Variants in FAM72A observed in about 807,000 individuals in gnomAD.
FAM72A encodes regulator of UNG2 and MKLN1 interacting yippee protein 1.
In FAM72A, 1 loss-of-function variant was observed where a neutral mutation model predicts 11.3. That is an observed-to-expected ratio of 0.09 (90% CI 0.03 to 0.42). The LOEUF (loss-of-function observed/expected upper bound fraction) is 0.42. Among genes scored for constraint, FAM72A ranks in the 10% least tolerant of loss-of-function variants. FAM72A has a pLI of 0.98. For synonymous variants in FAM72A, 5 were observed against 46.9 expected, an observed-to-expected ratio of 0.11 and a Z score of 3.65; for missense variants, 15 against 135.5, an observed-to-expected ratio of 0.11 and a Z score of 4.41.
intron 3 of FAM72A, among the ~76,000 whole-genome samples, chr1:206,193,488 C>T (rs1453568279): frequency 2.0e-5 from 3 of 152,144 alleles, no homozygotes; most frequent in East Asian, 1.9e-4. Flanking sequence ...CCACTGCGTC[C>T]GGCAGAGATT....
chr1:206,191,279 T>G (rs1664773698), intron 3 of FAM72A, among the ~76,000 whole-genome samples: 2 of 78,084 alleles, frequency 2.6e-5, no homozygotes, highest in Non-Finnish European at 2.3e-5. Flanking sequence ...CCAGCCTGGG[T>G]GACAGAATGA....
chr1:206,203,778 C>T, upstream of FAM72A: 5 of 1,514,584 alleles, frequency 3.3e-6, no homozygotes, highest in East Asian at 2.5e-5. Context: ...TTAGCGGTGC[C>T]GCCCGGAATC....
rs369572110 is a variant in FAM72A at position 206,196,126 on chromosome 1, C to T, written c.231-250G>A. ...TTATTATTATTATTATTATTGAGACCGAGTTTTGCTCTTGTCACCCAGGCT... is the reference window on the plus strand; with the variant it reads ...TTATTATTATTATTATTATTGAGACTGAGTTTTGCTCTTGTCACCCAGGCT... On this transcript the variant is annotated intron_variant, in intron 2 of 3. Coordinates refer to ENST00000367128, the MANE Select transcript of FAM72A (RefSeq NM_001123168.3). 4.3e-3 allele frequency among the ~76,000 whole-genome samples: 617 copies of T among 143,818 alleles called. 1 individual carries two copies. Among genetic ancestry groups the T allele is most frequent in the South Asian group, 7.3e-3 (32 of 4,396 alleles). The allele number at this position is 143,818 out of a possible 152,430, so 94.4% of individuals were successfully genotyped here. A position where few individuals can be genotyped will look rare whatever the true frequency, so the allele number is the denominator to read the frequency against.
At chr1:206,199,945 CA>C (rs1341376341) in intron 1 of FAM72A, 61 bp from the exon 2 acceptor site, 2 of 704,570 alleles carry the variant, frequency 2.8e-6, no homozygotes, top group Non-Finnish European at 5.2e-6. Flanking sequence ...TTAATTGTGG[CA>C]AAAAATTAAC....
chr1:206,188,412 T>TATTA, intron 3 of FAM72A, among the ~76,000 whole-genome samples: 1 of 152,228 alleles, frequency 6.6e-6, no homozygotes, highest in South Asian at 2.1e-4. Flanking sequence ...ATGACAAGTT[T>TATTA]ATTACTCTGG....
chr1:206,204,970 G>C (rs1300475138), upstream of FAM72A: 1 of 150,340 alleles, frequency 6.7e-6, no homozygotes, highest in Admixed American at 6.6e-5. Context: ...AAACAACTGG[G>C]AGGAGGGGCG....
At chr1:206,199,927 C>CA (rs1252605061) in intron 1 of FAM72A, 43 bp from the exon 2 acceptor site, 2 of 635,896 alleles carry the variant, frequency 3.1e-6, no homozygotes, top group East Asian at 5.5e-5. Context: ...ATGTACTTTA[C>CA]AAAAAATTTA....
intron 2 of FAM72A, among the ~76,000 whole-genome samples, chr1:206,196,846 G>C (rs1665088920): frequency 6.6e-6 from 1 of 150,672 alleles, no homozygotes; most frequent in Non-Finnish European, 1.5e-5. Context: ...AACCTACAGG[G>C]AATGTTTTAG....
At chr1:206,203,532 G>A (rs1444826651), upstream of FAM72A, 2 of 516,054 alleles carry the variant, frequency 3.9e-6, no homozygotes, top group African/African-American at 3.8e-5. Flanking sequence ...AGTTGGCGGA[G>A]GCTCCTCCAG....
In FAM72A at chr1:206,197,923, CA is replaced by C. The variant is rs1212346704; in HGVS notation, c.230+1883del. Among the ~76,000 whole-genome samples, 6 of 145,512 alleles carry C rather than the reference CA, an allele frequency of 4.1e-5. No homozygotes were observed. In the East Asian group the frequency reaches 1.1e-3, roughly 26 times the overall value. ...AGCAAGACTCCGTCTCAAAACAAAA[CA>C]AAAAAAATGTCGTTGCCCAGGTGCG... On this transcript the variant is annotated intron_variant, in intron 2 of 3. Coordinates refer to ENST00000367128, the MANE Select transcript of FAM72A (RefSeq NM_001123168.3).
At chr1:206,187,747 A>G (rs1239231869) in intron 3 of FAM72A, among the ~76,000 whole-genome samples, 2 of 150,854 alleles carry the variant, frequency 1.3e-5, no homozygotes, top group Admixed American at 1.3e-4. Flanking sequence ...TTTTGTAGAT[A>G]CAGGTTCCCA....
intron 3 of FAM72A, among the ~76,000 whole-genome samples, chr1:206,191,654 C>A: frequency 1.4e-5 from 2 of 141,062 alleles, no homozygotes; most frequent in African/African-American, 2.9e-5. Context: ...GCCTCAGCAC[C>A]TTAACACAAG....
At chr1:206,188,387 ATACAG>A (rs1318681535) in intron 3 of FAM72A, among the ~76,000 whole-genome samples, 2 of 151,856 alleles carry the variant, frequency 1.3e-5, no homozygotes, top group Admixed American at 6.6e-5. Flanking sequence ...ATGACTAAAC[ATACAG>A]TAGAGGATAA....
chr1:206,198,670 T>G (rs868981967), intron 2 of FAM72A, among the ~76,000 whole-genome samples: 30 of 151,806 alleles, frequency 2.0e-4, no homozygotes, highest in African/African-American at 6.3e-4. Flanking sequence ...TAGTAATAGC[T>G]CTCAGCTGTT....
chr1:206,203,764 C>G (rs536070022), upstream of FAM72A: 2 of 1,483,238 alleles, frequency 1.3e-6, no homozygotes, highest in Non-Finnish European at 1.8e-6. Context: ...CTCGCGGCAT[C>G]GCCTTAGCGG....
At chr1:206,198,303 G>A (rs1258515316) in intron 2 of FAM72A, among the ~76,000 whole-genome samples, 3 of 150,904 alleles carry the variant, frequency 2.0e-5, no homozygotes, top group Non-Finnish European at 3.0e-5. Context: ...GGCGGAGGTT[G>A]CAGTAAGCTG....
At chr1:206,192,149 G>A (rs1425164116) in intron 3 of FAM72A, among the ~76,000 whole-genome samples, 3 of 47,756 alleles carry the variant, frequency 6.3e-5, no homozygotes, top group Non-Finnish European at 7.8e-5. Context: ...GGTGATCTGT[G>A]ATCTTTGATG....
chr1:206,203,816 C>G, upstream of FAM72A: 1 of 1,529,568 alleles, frequency 6.5e-7, no homozygotes, highest in Middle Eastern at 2.3e-4. Flanking sequence ...TCCACCCTCT[C>G]CAAATCTCCC....
chr1:206,191,293 C>A, intron 3 of FAM72A, among the ~76,000 whole-genome samples: 1 of 73,902 alleles, frequency 1.4e-5, no homozygotes, highest in East Asian at 5.6e-4. Flanking sequence ...AGAATGACTC[C>A]ATCTCAAAAA....
Sources: gnomAD v4.1 joint callset for allele counts (sites outside exome capture counted in the v4.1 genomes callset) on GRCh38, gnomAD v4.1.1 for gene constraint, MANE v1.5 for transcripts, NCBI Gene and HGNC (gene_info 2026-07-23, HGNC 2026-07-21) for gene names.